The following HEPHL1 variants were observed in gnomAD, a reference collection of about 807,000 sequenced individuals.
HEPHL1 encodes hephaestin like 1, also known as ferroxidase HEPHL1.
Under a neutral mutation model 122.0 loss-of-function variants are expected in HEPHL1, and 123 were observed. The ratio of observed to expected loss-of-function variants is 1.01; its 90% CI spans 0.87 to 1.17. The LOEUF (loss-of-function observed/expected upper bound fraction) is 1.17. HEPHL1 is among the 50% of genes most tolerant of loss of function. HEPHL1 has a pLI of 0.00. For missense variants in HEPHL1, 1,452 were observed against 1,430.5 expected (o/e 1.01, Z -0.24); for synonymous variants, 527 against 508.9 (o/e 1.04, Z -0.48).
chr11:94,053,487 T>C (rs1205464139), intron 2 of HEPHL1, among the ~76,000 whole-genome samples: 2 of 152,070 alleles, frequency 1.3e-5, no homozygotes, highest in Non-Finnish European at 2.9e-5. Flanking sequence ...TTCTTCTTTC[T>C]ACTTGCTTTG....
rs1946278882 is a variant in HEPHL1, at chr11:94,093,503, A to G, written c.2297A>G (p.His766Arg). Residue 766 changes from histidine (H) to arginine (R), a missense_variant and splice_region_variant, in exon 13 of 20, where the codon CAT becomes CGT. Coordinates refer to ENST00000315765, the MANE Select transcript of HEPHL1 (RefSeq NM_001098672.2). ...TTTCTGATGCTTCTGATTTGCAGAC[A>G]TGGAGATATATTTATGAACCGCACT... The part of the protein sequence containing the change: ...KQHVDARGER[H>R]GDIFMNRTEN... 1 of 1,613,402 alleles carries G rather than the reference A, an allele frequency of 6.2e-7. No homozygotes were observed. The highest frequency in any genetic ancestry group is 8.5e-7 in the Non-Finnish European group (1 of 1,179,684).
intron 1 of HEPHL1, among the ~76,000 whole-genome samples, chr11:94,036,741 A>G (rs996139706): frequency 5.3e-5 from 8 of 150,658 alleles, no homozygotes; most frequent in Non-Finnish European, 1.0e-4. Flanking sequence ...CTGGAGGCTG[A>G]GGCAGGAGAA....
intron 1 of HEPHL1, among the ~76,000 whole-genome samples, chr11:94,024,871 TC>T (rs1282109679): frequency 6.6e-6 from 1 of 152,158 alleles, no homozygotes; most frequent in East Asian, 1.9e-4. Flanking sequence ...ATTGACAATA[TC>T]CTATGGAGGA....
At chr11:94,103,273 C>CTTTAAAAA (rs1946383650) in intron 15 of HEPHL1, among the ~76,000 whole-genome samples, 1 of 44,292 alleles carries the variant, frequency 2.3e-5, no homozygotes, top group Non-Finnish European at 4.6e-5. Context: ...TTTTTTTTCC[C>CTTTAAAAA]AAAAAAAAAA....
rs773008230 is a variant in HEPHL1, at chr11:94,110,974, A to G, written c.3117A>G (p.Ala1039=). 4 of 1,612,664 alleles carry G rather than the reference A, an allele frequency of 2.5e-6. No individual in the cohort carries two copies. In the South Asian group the frequency reaches 4.4e-5, roughly 18 times the overall value. Residue 1039 remains alanine (A), a synonymous_variant, in exon 18 of 20, where the codon GCA becomes GCG. Coordinates refer to ENST00000315765, the MANE Select transcript of HEPHL1 (RefSeq NM_001098672.2). ...CATTCCAAACCATTGAACTGTTTGC[A>G]GATCACCCAGGGACATGGCTGCTAC... is the stretch of plus-strand genomic sequence containing the variant. ...PGTFQTIELF[A]DHPGTWLLHC...
chr11:94,084,375 A>T (rs571811025), intron 10 of HEPHL1, among the ~76,000 whole-genome samples: 12 of 142,110 alleles, frequency 8.4e-5, no homozygotes, highest in South Asian at 4.6e-4. Context: ...TAAATAAATA[A>T]ATATATAAAT....
intron 1 of HEPHL1, among the ~76,000 whole-genome samples, chr11:94,044,991 G>C (rs1205093061): frequency 6.6e-6 from 1 of 151,998 alleles, no homozygotes; most frequent in Admixed American, 6.6e-5. Flanking sequence ...CTGCAGCCTT[G>C]ATTTCCCAGG....
At chr11:94,056,779 T>C (rs1431564391) in intron 2 of HEPHL1, among the ~76,000 whole-genome samples, 1 of 152,094 alleles carries the variant, frequency 6.6e-6, no homozygotes, top group African/African-American at 2.4e-5. Flanking sequence ...TTTATGACTT[T>C]TAAAAAATAA....
In HEPHL1 at chr11:94,066,781, G is replaced by C. The variant is rs16919883; in HGVS notation, c.809-715G>C. On this transcript the variant is annotated intron_variant, in intron 4 of 19. Coordinates refer to ENST00000315765, the MANE Select transcript of HEPHL1 (RefSeq NM_001098672.2). ...CAGTTCGAACTTAAGAAGGGATATT[G>C]TGACTTTTTAAAGCCCTGAATCAAG... Among the ~76,000 whole-genome samples the C allele has an allele frequency of 7.5e-3, 1,137 of 152,260 alleles. 13 individuals carry two copies. Among genetic ancestry groups the C allele is most frequent in the African/African-American group, 0.026 (1,067 of 41,562 alleles).
Position 94,063,698 on chromosome 11 carries a change from G to A in HEPHL1, c.606G>A (p.Gly202=). The A allele has an allele frequency of 6.2e-7, 1 of 1,613,704 alleles. No individual in the cohort carries two copies. Among genetic ancestry groups the A allele is most frequent in the Non-Finnish European group, 8.5e-7 (1 of 1,179,776 alleles). The part of the protein sequence containing the change: ...APKDICSGLI[G]PLLVCKEGIL... ...AGGACATCTGCTCTGGGCTAATTGG[G>A]CCCCTGCTGGTCTGCAAGGAAGGTA... Residue 202 remains glycine (G), a synonymous_variant, in exon 3 of 20, where the codon GGG becomes GGA. Coordinates refer to ENST00000315765, the MANE Select transcript of HEPHL1 (RefSeq NM_001098672.2).
intron 10 of HEPHL1, among the ~76,000 whole-genome samples, chr11:94,084,774 A>G (rs1052033539): frequency 3.9e-5 from 6 of 152,170 alleles, no homozygotes; most frequent in African/African-American, 1.4e-4. Context: ...CAAAGACATT[A>G]TCAAAGATTT....
At position 94,110,948 on chromosome 11, in the gene HEPHL1, A is replaced by G; in HGVS notation, c.3091A>G (p.Thr1031Ala). Reference protein sequence around the residue: ...REDVYDLFPGTFQTIELFADH... With the variant: ...REDVYDLFPGAFQTIELFADH... The stretch of plus-strand genomic sequence containing the variant: ...AGATGTGTATGATCTCTTTCCTGGG[A>G]CATTCCAAACCATTGAACTGTTTGC... The change falls in exon 18 of 20, where the codon ACA becomes GCA. Residue 1031 changes from threonine to alanine, a missense_variant. Thr to Ala is a moderately conservative substitution (Grantham distance 58, BLOSUM62 0). Coordinates refer to ENST00000315765, the MANE Select transcript of HEPHL1 (RefSeq NM_001098672.2). 1 of 1,613,072 alleles carries G rather than the reference A, an allele frequency of 6.2e-7. No individual in the cohort carries two copies. Among genetic ancestry groups the G allele is most frequent in the Non-Finnish European group, 8.5e-7 (1 of 1,179,566 alleles).
At chr11:94,031,294 C>G (rs1357025215) in intron 1 of HEPHL1, among the ~76,000 whole-genome samples, 1 of 150,560 alleles carries the variant, frequency 6.6e-6, no homozygotes, top group East Asian at 2.0e-4. Flanking sequence ...GGTCACTTTC[C>G]AGATGTATTC....
rs577896486 is a variant in HEPHL1, at chr11:94,051,945, C to T, written c.415+6028C>T. Among the ~76,000 whole-genome samples, 21 of 152,106 alleles carry T rather than the reference C, an allele frequency of 1.4e-4. 1 individual carries two copies. In the South Asian group the frequency reaches 4.4e-3, roughly 32 times the overall value. ...GGCACCTTTGTCAAAAGTTAGTTCA[C>T]TGTAGATGTATGGATTTATTTCCAG... is the stretch of plus-strand genomic sequence containing the variant. On this transcript the variant is annotated intron_variant, in intron 2 of 19. Transcript: ENST00000315765.
chr11:94,099,079 GA>G lies in HEPHL1; in HGVS notation c.2435-2115del, dbSNP rs924229329. ...TAGGAGCTGCGTTCCTTTGGTGGGG[GA>G]GAGGCACTCTGATTTTTAGAATTTT... On this transcript the variant is annotated intron_variant, in intron 13 of 19. Transcript: ENST00000315765. Among the ~76,000 whole-genome samples the G allele has an allele frequency of 4.6e-5, 7 of 152,218 alleles. 1 individual carries two copies. Among genetic ancestry groups the G allele is most frequent in the Admixed American group, 4.6e-4 (7 of 15,286 alleles).
chr11:94,103,017 G>C lies in HEPHL1; in HGVS notation c.2679G>C (p.Val893=), dbSNP rs764407449. The C allele has an allele frequency of 1.9e-6, 3 of 1,571,504 alleles. No homozygotes were observed. The East Asian group carries it at 6.7e-5, about 35-fold the overall frequency. ...TTTACTATTCAACAGTAAACTTTGT[G>C]AAGGTAAGGTGGAGAAAGCAACCAA... ...PWVYYSTVNF[V]KDTYSGLMGP... The change falls in exon 15 of 20, where the codon GTG becomes GTC. Residue 893 remains valine (V), a synonymous_variant. Transcript: ENST00000315765.
In HEPHL1 at chr11:94,106,251, G is replaced by A. The variant is rs894259208; in HGVS notation, c.3045+121G>A. ...TGTGAGGATAGGTGAGAATGGAACA[G>A]AATAATGTGATTGTACCGTTTCCCT... On this transcript the variant is annotated intron_variant, in intron 17 of 19. Coordinates refer to ENST00000315765, the MANE Select transcript of HEPHL1 (RefSeq NM_001098672.2). 149 of 643,000 alleles carry A rather than the reference G, an allele frequency of 2.3e-4. 1 individual carries two copies. The highest frequency in any genetic ancestry group is 3.2e-4 in the Non-Finnish European group (128 of 401,610). The allele number at this position is 643,000 out of a possible 1,614,324, so 39.8% of individuals were successfully genotyped here.
chr11:94,089,682 G>A (rs1171769489), intron 12 of HEPHL1, among the ~76,000 whole-genome samples: 2 of 151,796 alleles, frequency 1.3e-5, no homozygotes, highest in African/African-American at 2.4e-5. Context: ...GAAGGCAGGC[G>A]CAGACCACAG....
At chr11:94,044,240 C>G (rs940143550) in intron 1 of HEPHL1, among the ~76,000 whole-genome samples, 1 of 152,082 alleles carries the variant, frequency 6.6e-6, no homozygotes, top group African/African-American at 2.4e-5. Flanking sequence ...GTCTGCCCTA[C>G]GTCTAGGTCC....
Sources: gnomAD v4.1 joint callset for allele counts (sites outside exome capture counted in the v4.1 genomes callset) on GRCh38, gnomAD v4.1.1 for gene constraint, MANE v1.5 for transcripts, NCBI Gene and HGNC (gene_info 2026-07-23, HGNC 2026-07-21) for gene names.